Variants in CXADR observed in about 807,000 individuals in gnomAD.
The protein encoded by CXADR is coxsackievirus and adenovirus receptor.
Under a neutral mutation model 40.3 loss-of-function variants are expected in CXADR, and 20 were observed. The ratio of observed to expected loss-of-function variants is 0.50; its 90% CI spans 0.35 to 0.72. The LOEUF is 0.72. Ranked by LOEUF, CXADR falls within the 30% of genes least tolerant of loss-of-function variation. The pLI, the probability that CXADR is intolerant of heterozygous loss-of-function variation, is 0.01. For missense variants in CXADR, 332 were observed against 449.1 expected (o/e 0.74, Z 2.36); for synonymous variants, 150 against 161.3 (o/e 0.93, Z 0.53).
At chr21:17,595,710 G>A (rs1011481065), downstream of CXADR, among the ~76,000 whole-genome samples, 5 of 151,758 alleles carry the variant, frequency 3.3e-5, no homozygotes, top group African/African-American at 4.8e-5. Context: ...GATACACAAC[G>A]AACAAAACAA....
At chr21:17,620,320 A>G in the CXADR span, among the ~76,000 whole-genome samples, 2 of 152,214 alleles carry the variant, frequency 1.3e-5, no homozygotes, top group Admixed American at 6.5e-5. Flanking sequence ...GAAATGGAGA[A>G]GCCCAAGGAG....
intron 1 of CXADR, among the ~76,000 whole-genome samples, chr21:17,516,477 A>C (rs781191255): frequency 1.2e-4 from 18 of 152,196 alleles, no homozygotes; most frequent in Non-Finnish European, 1.0e-4. Context: ...TTGGGTTGAC[A>C]TTGTAAACTA....
chr21:17,551,845 G>A lies in CXADR; in HGVS notation c.307G>A (p.Ala103Thr), dbSNP rs753393227. Residue 103 changes from alanine to threonine, a missense_variant, in exon 3 of 7, where the codon GCA becomes ACA. Around this residue, in one of 3 missense-constraint regions of CXADR, gnomAD observed 162 missense variants for 198.5 expected, o/e 0.82. Coordinates refer to ENST00000284878, the MANE Select transcript of CXADR (RefSeq NM_001338.5). ...FTSNDLKSGD[A>T]SINVTNLQLS... ...GAGTAATGATCTCAAATCTGGTGAT[G>A]CATCAATAAATGTAACGAATTTACA... is the stretch of plus-strand genomic sequence containing the variant. 1.9e-6 allele frequency: 3 copies of A among 1,613,880 alleles called. No individual in the cohort carries two copies. The highest frequency in any genetic ancestry group is 2.5e-6 in the Non-Finnish European group (3 of 1,179,826).
At chr21:17,534,626 GTA>G (rs1160974949) in intron 1 of CXADR, among the ~76,000 whole-genome samples, 1 of 152,060 alleles carries the variant, frequency 6.6e-6, no homozygotes, top group African/African-American at 2.4e-5. Flanking sequence ...AGAGTTTAGA[GTA>G]TCTCAGTGAC....
chr21:17,617,202 A>G, the CXADR span, among the ~76,000 whole-genome samples: 5 of 152,200 alleles, frequency 3.3e-5, no homozygotes, highest in African/African-American at 1.2e-4. Context: ...TGTATAAGTT[A>G]TGACACTCAA....
At chr21:17,624,940 CT>C in the CXADR span, among the ~76,000 whole-genome samples, 1 of 151,976 alleles carries the variant, frequency 6.6e-6, no homozygotes, top group African/African-American at 2.4e-5. Context: ...CCCCATTACA[CT>C]TTTTTTTACC....
At chr21:17,588,093 A>G (rs865844025) in intron 7 of CXADR, among the ~76,000 whole-genome samples, 2 of 152,196 alleles carry the variant, frequency 1.3e-5, no homozygotes, top group Middle Eastern at 3.4e-3. Flanking sequence ...ATTGGTTTAT[A>G]TCTCTGTTTT....
At chr21:17,551,630 C>G (rs2060969926) in intron 2 of CXADR, 119 bp from the exon 3 acceptor site, 12 of 791,308 alleles carry the variant, frequency 1.5e-5, no homozygotes, top group Non-Finnish European at 2.0e-5. Flanking sequence ...CTGTGTTCTT[C>G]TTTTTCTTTT....
chr21:17,569,690 T>G lies in CXADR; in HGVS notation c.*3998T>G. On this transcript the variant is annotated 3_prime_UTR_variant, in exon 7 of 7. Transcript: ENST00000284878. ...CAGCCTCTTATTCATTATGGTTAAC[T>G]TTTATAATTTATCTTATTTTATAAT... The G allele has an allele frequency of 1.0e-6, 1 of 968,632 alleles. No homozygotes were observed. Among genetic ancestry groups the G allele is most frequent in the South Asian group, 4.8e-5 (1 of 20,930 alleles). 60.0% of individuals were successfully genotyped at this position (968,632 alleles called of 1,614,324 possible). A position where few individuals can be genotyped will look rare whatever the true frequency, so the allele number is the denominator to read the frequency against.
At chr21:17,557,061 A>G (rs1311098316) in intron 3 of CXADR, among the ~76,000 whole-genome samples, 13 of 152,228 alleles carry the variant, frequency 8.5e-5, no homozygotes, top group African/African-American at 3.1e-4. Flanking sequence ...ACAAAAATGC[A>G]TTTACCTTTA....
At chr21:17,515,513 A>G (rs760188341) in intron 1 of CXADR, among the ~76,000 whole-genome samples, 3 of 151,930 alleles carry the variant, frequency 2.0e-5, no homozygotes, top group Non-Finnish European at 2.9e-5. Context: ...CTGACCATTT[A>G]GAAATGCATT....
chr21:17,565,716 C>T lies in CXADR; in HGVS notation c.*24C>T, dbSNP rs374241505. On this transcript the variant is annotated 3_prime_UTR_variant, in exon 7 of 7. Transcript: ENST00000284878. ...AGAGCCTCCATATGTCTCATCTGTGCTCTCCGTGTTCCTTTCCTTTTTTTG... is the reference window on the plus strand; with the variant it reads ...AGAGCCTCCATATGTCTCATCTGTGTTCTCCGTGTTCCTTTCCTTTTTTTG... The T allele has an allele frequency of 3.0e-5, 48 of 1,601,884 alleles. No individual in the cohort carries two copies. Among genetic ancestry groups the T allele is most frequent in the Non-Finnish European group, 4.0e-5 (47 of 1,173,330 alleles).
In CXADR at chr21:17,567,079, G is replaced by A. The variant is rs555909524; in HGVS notation, c.*1387G>A. On this transcript the variant is annotated 3_prime_UTR_variant, in exon 7 of 7. Transcript: ENST00000284878. ...TATTGTATTTCCCTTAAGATTGTGA[G>A]GGAGTGTGGATACAGTAGAATGAGC... The A allele has an allele frequency of 1.0e-6, 1 of 982,124 alleles. No homozygotes were observed. Among genetic ancestry groups the A allele is most frequent in the African/African-American group, 1.7e-5 (1 of 57,296 alleles). The allele number at this position is 982,124 out of a possible 1,614,324, so 60.8% of individuals were successfully genotyped here. A position where few individuals can be genotyped will look rare whatever the true frequency, so the allele number is the denominator to read the frequency against.
intron 1 of CXADR, among the ~76,000 whole-genome samples, chr21:17,540,121 C>T (rs930754181): frequency 7.9e-5 from 12 of 152,146 alleles, no homozygotes; most frequent in Admixed American, 6.5e-4. Flanking sequence ...TCTATCCTCA[C>T]GTGGCAGAGA....
At chr21:17,618,879 C>T in the CXADR span, among the ~76,000 whole-genome samples, 1 of 152,150 alleles carries the variant, frequency 6.6e-6, no homozygotes, top group African/African-American at 2.4e-5. Flanking sequence ...TCTAACTTAT[C>T]CCTTGATCCA....
chr21:17,530,324 T>C (rs1855738328), intron 1 of CXADR: 1 of 436,994 alleles, frequency 2.3e-6, no homozygotes, highest in Admixed American at 2.6e-5. Flanking sequence ...GTGTTAACAT[T>C]TTATATAAAT....
intron 1 of CXADR, among the ~76,000 whole-genome samples, chr21:17,524,491 G>A (rs77987953): frequency 9.3e-4 from 134 of 144,044 alleles, no homozygotes; most frequent in Non-Finnish European, 1.3e-3. Flanking sequence ...GAGGAGAATC[G>A]CTGGAACCCG....
In CXADR at chr21:17,539,325, CCAGCTTTAAAACTGTCGCTGGTT is replaced by C. The variant is rs577591483; in HGVS notation, c.44-7701_44-7679del. On this transcript the variant is annotated intron_variant, in intron 1 of 6. Transcript: ENST00000284878. ...CTTGTGTTATTAGAAGTCTTCCAGC[CCAGCTTTAAAACTGTCGCTGGTT>C]TGTGCTTTCCTTATTTTAGATTCTC... Among the ~76,000 whole-genome samples, 517 of 152,234 alleles carry C rather than the reference CCAGCTTTAAAACTGTCGCTGGTT, an allele frequency of 3.4e-3. 1 individual carries two copies. The highest frequency in any genetic ancestry group is 5.5e-3 in the Non-Finnish European group (371 of 68,026).
rs574326232 is a variant in CXADR at position 17,523,664 on chromosome 21, TATTAA to T, written c.43+10503_43+10507del. On this transcript the variant is annotated intron_variant, in intron 1 of 6. Transcript: ENST00000284878. ...AGCAAGTAGTTGATGTGAAGATAAT[TATTAA>T]ATTAAATTAATTATTAAAATAAGAT... 5.0e-3 allele frequency among the ~76,000 whole-genome samples: 764 copies of T among 152,198 alleles called. 10 individuals carry two copies. The highest frequency in any genetic ancestry group is 0.028 in the South Asian group (133 of 4,828).
Sources: allele counts gnomAD v4.1 joint callset (sites outside exome capture counted in the v4.1 genomes callset), GRCh38; gene constraint gnomAD v4.1.1; regional missense constraint gnomAD v4.1.1; transcripts MANE v1.5; gene names NCBI Gene and HGNC (gene_info 2026-07-23, HGNC 2026-07-21).